Variants in FMN1 observed in about 807,000 individuals in gnomAD.
The protein encoded by FMN1 is formin 1.
Under a neutral mutation model 132.4 loss-of-function variants are expected in FMN1, and 110 were observed. The observed-to-expected ratio is 0.83, with a 90% CI of 0.71 to 0.97. The LOEUF (loss-of-function observed/expected upper bound fraction) is 0.97, where lower values mean the gene tolerates loss of function less well. Ranked by LOEUF, FMN1 falls within the 50% of genes least tolerant of loss-of-function variation. FMN1 has a pLI of 0.00. For missense variants in FMN1, 1,792 were observed against 1,705.3 expected (o/e 1.05, Z -0.90); for synonymous variants, 722 against 651.7 (o/e 1.11, Z -1.64).
chr15:32,887,313 CGCTCTCTAAATCCTCCGCAGA>C (rs2059919801), intron 16 of FMN1, among the ~76,000 whole-genome samples: 1 of 152,152 alleles, frequency 6.6e-6, no homozygotes, highest in African/African-American at 2.4e-5. Context: ...CACATTAACA[CGCTCTCTAAATCCTCCGCAGA>C]GCTCTTCAAT....
rs550872135 is a variant in FMN1 at position 32,788,889 on chromosome 15, TTAAC to T, written c.4130+9911_4130+9914del. Among the ~76,000 whole-genome samples the T allele has an allele frequency of 2.8e-4, 42 of 152,330 alleles. 1 individual carries two copies. The South Asian group carries it at 8.1e-3, about 29-fold the overall frequency. On this transcript the variant is annotated intron_variant, in intron 19 of 20. Transcript: ENST00000616417. ...CAGAGCTGGCGATTGTTTTATTCCA[TTAAC>T]TAATCTTTCTTGTTCTGAACATGTC...
intron 16 of FMN1, among the ~76,000 whole-genome samples, chr15:32,885,996 T>A (rs756286702): frequency 2.6e-5 from 4 of 152,134 alleles, no homozygotes; most frequent in African/African-American, 9.7e-5. Context: ...AATTATGTCC[T>A]CTTCAATTAA....
intron 7 of FMN1, among the ~76,000 whole-genome samples, chr15:32,982,994 A>C (rs74012426): frequency 0.022 from 3,369 of 152,252 alleles, 122 homozygotes; most frequent in African/African-American, 0.074. Context: ...TAAAATATTC[A>C]CATTAATATA....
chr15:33,048,012 T>A (rs763918234), intron 6 of FMN1, among the ~76,000 whole-genome samples: 2 of 152,234 alleles, frequency 1.3e-5, no homozygotes, highest in Non-Finnish European at 2.9e-5. Flanking sequence ...GAAAAATAAG[T>A]GCTTAAATCA....
chr15:33,152,788 C>CAAAAA (rs367698101), intron 4 of FMN1, among the ~76,000 whole-genome samples: 4 of 65,924 alleles, frequency 6.1e-5, no homozygotes, highest in African/African-American at 1.4e-4. Context: ...TAGAGGATGC[C>CAAAAA]AAAAAAAAAA....
At chr15:33,129,921 T>C (rs1006521733) in intron 4 of FMN1, among the ~76,000 whole-genome samples, 1 of 151,932 alleles carries the variant, frequency 6.6e-6, no homozygotes, top group Non-Finnish European at 1.5e-5. Context: ...GCCTCCCAAG[T>C]AGCTGGGACT....
chr15:33,026,430 A>G (rs1171753125), intron 6 of FMN1, among the ~76,000 whole-genome samples: 1 of 151,950 alleles, frequency 6.6e-6, no homozygotes, highest in Admixed American at 6.6e-5. Flanking sequence ...ACACACACAC[A>G]CACACACACT....
At chr15:32,934,288 A>G (rs1194999148) in intron 9 of FMN1, among the ~76,000 whole-genome samples, 2 of 152,048 alleles carry the variant, frequency 1.3e-5, no homozygotes, top group Non-Finnish European at 2.9e-5. Flanking sequence ...TATTTTTTCT[A>G]TTGTGTATCC....
intron 19 of FMN1, among the ~76,000 whole-genome samples, chr15:32,789,054 T>A (rs757367018): frequency 1.3e-5 from 2 of 152,202 alleles, no homozygotes; most frequent in Non-Finnish European, 2.9e-5. Context: ...CAGCAAATCT[T>A]GCAATCAATT....
chr15:32,814,332 T>A (rs919427304), intron 17 of FMN1, among the ~76,000 whole-genome samples: 9 of 152,244 alleles, frequency 5.9e-5, no homozygotes, highest in Admixed American at 5.9e-4. Context: ...TATACATAAA[T>A]CTATTTCCTT....
At position 32,823,453 on chromosome 15, in the gene FMN1, T is replaced by C. The variant is rs561850520; in HGVS notation, c.3929-19121A>G. On this transcript the variant is annotated intron_variant, in intron 17 of 20. Coordinates refer to ENST00000616417, the MANE Select transcript of FMN1 (RefSeq NM_001277313.2). ...TGCTGGGATTACAGGTGTGAGCCAC[T>C]GCGCCCGGCCGAGAGTTTCTATCGT... Among the ~76,000 whole-genome samples, 89 of 152,196 alleles carry C rather than the reference T, an allele frequency of 5.8e-4. 2 individuals carry two copies. The highest frequency in any genetic ancestry group is 3.9e-3 in the South Asian group (19 of 4,820).
At chr15:33,051,931 C>CT (rs914396745) in intron 6 of FMN1, among the ~76,000 whole-genome samples, 8 of 152,320 alleles carry the variant, frequency 5.3e-5, no homozygotes, top group Admixed American at 4.6e-4. Context: ...GTGTATTTTA[C>CT]TTCCTTTTGT....
chr15:32,900,368 A>AT (rs1406275830), intron 13 of FMN1: 2 of 646,890 alleles, frequency 3.1e-6, no homozygotes, highest in Middle Eastern at 2.6e-4. Context: ...ATACATGAGG[A>AT]TTAACTATTG....
At chr15:32,777,640 CAT>C (rs890740700) in intron 19 of FMN1, among the ~76,000 whole-genome samples, 13 of 130,098 alleles carry the variant, frequency 1.0e-4, no homozygotes, top group African/African-American at 3.5e-4. Context: ...TTACGTATAA[CAT>C]AACACATTTA....
intron 17 of FMN1, among the ~76,000 whole-genome samples, chr15:32,819,159 G>A (rs1441506303): frequency 6.6e-6 from 1 of 152,132 alleles, no homozygotes; most frequent in East Asian, 1.9e-4. Flanking sequence ...TCTTCAAGGG[G>A]ATTCCAGAGC....
intron 6 of FMN1, among the ~76,000 whole-genome samples, chr15:33,017,112 C>A (rs1211387010): frequency 6.6e-6 from 1 of 150,600 alleles, no homozygotes; most frequent in African/African-American, 2.5e-5. Flanking sequence ...AGGATGAGGC[C>A]GTACCCTAGA....
rs530038231 is a variant in FMN1, at chr15:32,931,688, TA to T, written c.3139-5428del. ...TTTCATTTCCAACTTTGATGCCTTT[TA>T]TTTCTCTCTCTTGATTAATGTCTCT... On this transcript the variant is annotated intron_variant, in intron 9 of 20. Coordinates refer to ENST00000616417, the MANE Select transcript of FMN1 (RefSeq NM_001277313.2). 2.4e-3 allele frequency among the ~76,000 whole-genome samples: 365 copies of T among 152,350 alleles called. 1 individual carries two copies. Among genetic ancestry groups the T allele is most frequent in the Non-Finnish European group, 3.5e-3 (239 of 68,026 alleles).
chr15:32,803,439 C>G (rs2057548278), intron 18 of FMN1, among the ~76,000 whole-genome samples: 1 of 152,166 alleles, frequency 6.6e-6, no homozygotes, highest in Non-Finnish European at 1.5e-5. Context: ...TTAGGTTCCA[C>G]TGGGTGGAGT....
chr15:33,108,982 G>A (rs2039593087), intron 4 of FMN1, among the ~76,000 whole-genome samples: 1 of 152,016 alleles, frequency 6.6e-6, no homozygotes, highest in African/African-American at 2.4e-5. Context: ...GAGTTATCCA[G>A]TCTAATACTA....
Sources: allele counts gnomAD v4.1 joint callset (sites outside exome capture counted in the v4.1 genomes callset), GRCh38; gene constraint gnomAD v4.1.1; transcripts MANE v1.5; gene names NCBI Gene and HGNC (gene_info 2026-07-23, HGNC 2026-07-21).